Variants in NTM observed in about 807,000 individuals in gnomAD.
NTM encodes IgLON family member 2.
Under a neutral mutation model 42.1 loss-of-function variants are expected in NTM, and 13 were observed. That is an observed-to-expected ratio of 0.31 (90% CI 0.20 to 0.49). The LOEUF is 0.49. Among genes scored for constraint, NTM ranks in the 20% least tolerant of loss-of-function variants. NTM has a pLI of 0.99. For synonymous variants in NTM, 187 were observed against 179.2 expected (o/e 1.04, Z -0.35); for missense variants, 373 against 452.8 (o/e 0.82, Z 1.60).
At chr11:131,707,511 A>G (rs546542611) in intron 1 of NTM, among the ~76,000 whole-genome samples, 1 of 152,230 alleles carries the variant, frequency 6.6e-6, no homozygotes, top group East Asian at 1.9e-4. Context: ...ATATATTCCC[A>G]GAAGTGGAAT....
At chr11:132,023,228 A>T (rs2074617979) in intron 2 of NTM, among the ~76,000 whole-genome samples, 4 of 152,238 alleles carry the variant, frequency 2.6e-5, no homozygotes, top group African/African-American at 9.6e-5. Flanking sequence ...GTTACTGGGC[A>T]CATGCCATCG....
At chr11:131,850,456 C>T (rs1023534240) in intron 1 of NTM, among the ~76,000 whole-genome samples, 2 of 152,134 alleles carry the variant, frequency 1.3e-5, no homozygotes, top group Admixed American at 6.5e-5. Flanking sequence ...TTGGCCCCTG[C>T]AGAATACACA....
chr11:132,039,378 A>C (rs1175878168), intron 2 of NTM, among the ~76,000 whole-genome samples: 1 of 149,166 alleles, frequency 6.7e-6, no homozygotes, highest in African/African-American at 2.5e-5. Flanking sequence ...TTTGTCAAAG[A>C]TCTCAGCCTG....
At chr11:132,235,069 G>T (rs148517816) in intron 4 of NTM, among the ~76,000 whole-genome samples, 1 of 152,316 alleles carries the variant, frequency 6.6e-6, no homozygotes, top group African/African-American at 2.4e-5. Context: ...TGAAGACTCT[G>T]TTGTAGCAGC....
At chr11:131,624,067 G>A (rs551235878) in intron 1 of NTM, among the ~76,000 whole-genome samples, 1 of 152,258 alleles carries the variant, frequency 6.6e-6, no homozygotes, top group African/African-American at 2.4e-5. Context: ...CATTTCCTGG[G>A]GCACCTTGTA....
At chr11:131,945,281 G>A (rs1341287569) in intron 2 of NTM, among the ~76,000 whole-genome samples, 1 of 152,112 alleles carries the variant, frequency 6.6e-6, no homozygotes, top group African/African-American at 2.4e-5. Flanking sequence ...AGCACTTAAC[G>A]GTGCATTCAG....
chr11:131,384,478 C>A (rs930123643), intron 1 of NTM, among the ~76,000 whole-genome samples: 2 of 151,774 alleles, frequency 1.3e-5, no homozygotes, highest in Admixed American at 1.3e-4. Context: ...TTTTGTGGGG[C>A]GGAACAATGG....
chr11:132,134,669 AT>A (rs1391390990), intron 2 of NTM, among the ~76,000 whole-genome samples: 1 of 127,356 alleles, frequency 7.9e-6, no homozygotes, highest in Non-Finnish European at 1.6e-5. Context: ...AATTGCCATT[AT>A]TTTGTTCCTT....
At chr11:131,635,098 T>C (rs770178019) in intron 1 of NTM, among the ~76,000 whole-genome samples, 1 of 152,218 alleles carries the variant, frequency 6.6e-6, no homozygotes. Context: ...GTAACCATCG[T>C]AACGTCATAG....
intron 4 of NTM, among the ~76,000 whole-genome samples, chr11:132,306,109 G>A (rs77612098): frequency 6.6e-6 from 1 of 152,204 alleles, no homozygotes; most frequent in East Asian, 1.9e-4. Flanking sequence ...CATGGCCAAA[G>A]AGTGCTGATC....
chr11:132,146,549 G>A lies in NTM; in HGVS notation c.400+35G>A, dbSNP rs1397367723. On this transcript the variant is annotated intron_variant, in intron 3 of 8. Coordinates refer to ENST00000683400, the MANE Select transcript of NTM (RefSeq NM_001352005.2). The surrounding 1 kb of genome is among the most constrained non-coding windows in gnomAD (Gnocchi z 4.5). ...CGGGGCTTGGCGGGGAGATCTGGCT[G>A]GCCAGCCTGGAAAGCCTTCAGGTAA... 2 of 1,605,086 alleles carry A rather than the reference G, an allele frequency of 1.2e-6. No homozygotes were observed. Among genetic ancestry groups the A allele is most frequent in the South Asian group, 2.2e-5 (2 of 90,346 alleles).
intron 3 of NTM, among the ~76,000 whole-genome samples, chr11:132,153,204 C>T (rs919139852): frequency 6.6e-6 from 1 of 152,212 alleles, no homozygotes; most frequent in African/African-American, 2.4e-5. Context: ...GATTGAGAAA[C>T]ATGGCTCTGA....
intron 1 of NTM, among the ~76,000 whole-genome samples, chr11:131,522,664 T>C (rs75783114): frequency 0.015 from 2,222 of 152,320 alleles, 58 homozygotes; most frequent in African/African-American, 0.048. Context: ...TTATTTAACC[T>C]GGGACAGAAA....
chr11:131,947,899 G>A (rs2060517058), intron 2 of NTM, among the ~76,000 whole-genome samples: 1 of 152,174 alleles, frequency 6.6e-6, no homozygotes, highest in Admixed American at 6.5e-5. Context: ...TTGATGCAGA[G>A]CCTAATGTAA....
chr11:131,376,253 G>A (rs1387547160), intron 1 of NTM, among the ~76,000 whole-genome samples: 1 of 152,132 alleles, frequency 6.6e-6, no homozygotes, highest in Non-Finnish European at 1.5e-5. Flanking sequence ...CCATTATTTG[G>A]TATCTCTCAC....
chr11:132,307,554 A>C (rs1370435456), intron 4 of NTM, 135 bp from the exon 5 acceptor site: 9 of 1,231,502 alleles, frequency 7.3e-6, no homozygotes, highest in Non-Finnish European at 9.0e-6. Context: ...GATAACCCAC[A>C]CAGTTCCTCA....
chr11:132,223,249 A>G (rs776472002), intron 4 of NTM, among the ~76,000 whole-genome samples: 8 of 152,206 alleles, frequency 5.3e-5, no homozygotes, highest in Non-Finnish European at 8.8e-5. Context: ...CAGAACTTGT[A>G]TGCTAGTGGG....
intron 1 of NTM, among the ~76,000 whole-genome samples, chr11:131,511,264 G>A (rs964265683): frequency 6.6e-6 from 1 of 152,196 alleles, no homozygotes; most frequent in South Asian, 2.1e-4. Flanking sequence ...TTCAGGAGGA[G>A]CCAAGCCATC....
intron 1 of NTM, among the ~76,000 whole-genome samples, chr11:131,453,127 G>A (rs1950606704): frequency 6.6e-6 from 1 of 152,180 alleles, no homozygotes; most frequent in Non-Finnish European, 1.5e-5. Context: ...TGCCCACAAT[G>A]TCATCTCAGG....
Sources: gnomAD v4.1 joint callset for allele counts (sites outside exome capture counted in the v4.1 genomes callset) on GRCh38, gnomAD v4.1.1 for gene constraint, Gnocchi (gnomAD v3.1) non-coding constraint, MANE v1.5 for transcripts, NCBI Gene and HGNC (gene_info 2026-07-23, HGNC 2026-07-21) for gene names.